The following TTC28 variants were observed in gnomAD, a reference collection of about 807,000 sequenced individuals.
The protein encoded by TTC28 is tetratricopeptide repeat protein 28.
In TTC28, 61 loss-of-function variants were observed where a neutral mutation model predicts 198.0. The observed-to-expected ratio is 0.31, with a 90% CI of 0.25 to 0.38. The LOEUF is 0.38. Among genes scored for constraint, TTC28 ranks in the 10% least tolerant of loss-of-function variants. The probability of loss-of-function intolerance (pLI) is 1.00; values close to 1 mark genes in which losing one functional copy is unlikely to be tolerated. For missense variants in TTC28, 2,678 were observed against 3,164.0 expected, an observed-to-expected ratio of 0.85 and a Z score of 3.69; for synonymous variants, 1,171 against 1,297.8, an observed-to-expected ratio of 0.90 and a Z score of 2.10.
In TTC28 at chr22:28,371,183, T is replaced by C. The variant is rs371757204; in HGVS notation, c.382-64540A>G. 1.4e-4 allele frequency among the ~76,000 whole-genome samples: 22 copies of C among 152,058 alleles called. No homozygotes were observed. The East Asian group carries it at 4.1e-3, about 28-fold the overall frequency. The stretch of plus-strand genomic sequence containing the variant: ...GGGGTCACATGTAAGGAGTTAGTAA[T>C]AGAACCATTTGTTTCCATACAAATT... On this transcript the variant is annotated intron_variant, in intron 2 of 22. Transcript: ENST00000397906.
intron 11 of TTC28, 50 bp from the exon 12 acceptor site, chr22:28,094,295 A>C (rs1376402180): frequency 2.0e-5 from 29 of 1,463,634 alleles, no homozygotes; most frequent in Non-Finnish European, 2.5e-5. Context: ...GGGTCAGAGA[A>C]AGGAGAAGTT....
At chr22:28,176,066 A>T in intron 5 of TTC28, among the ~76,000 whole-genome samples, 1 of 152,208 alleles carries the variant, frequency 6.6e-6, no homozygotes, top group East Asian at 1.9e-4. Flanking sequence ...CTGGTTATAT[A>T]TCCAAAGGAA....
chr22:28,661,493 C>T (rs2145696265), intron 1 of TTC28, among the ~76,000 whole-genome samples: 1 of 152,230 alleles, frequency 6.6e-6, no homozygotes, highest in East Asian at 1.9e-4. Flanking sequence ...CAACATAGCT[C>T]ACTGTAGCTT....
chr22:28,259,781 T>C (rs1931194269), intron 5 of TTC28, among the ~76,000 whole-genome samples: 1 of 152,134 alleles, frequency 6.6e-6, no homozygotes, highest in Non-Finnish European at 1.5e-5. Flanking sequence ...ACTATTTGCC[T>C]TTAAAAGTGT....
At chr22:28,509,516 G>C (rs1205146100) in intron 2 of TTC28, among the ~76,000 whole-genome samples, 1 of 152,158 alleles carries the variant, frequency 6.6e-6, no homozygotes, top group East Asian at 1.9e-4. Context: ...CAGAATCTCT[G>C]GGATGCAGTT....
chr22:28,082,787 T>C (rs1298827792), intron 12 of TTC28, among the ~76,000 whole-genome samples: 1 of 152,236 alleles, frequency 6.6e-6, no homozygotes, highest in Admixed American at 6.5e-5. Flanking sequence ...TTCTTTACTC[T>C]TTAATTTTTA....
intron 2 of TTC28, among the ~76,000 whole-genome samples, chr22:28,343,586 A>AGG (rs2045865295): frequency 6.6e-6 from 1 of 152,206 alleles, no homozygotes; most frequent in African/African-American, 2.4e-5. Flanking sequence ...GCCTAATTCA[A>AGG]AAATTTCAAC....
intron 5 of TTC28, among the ~76,000 whole-genome samples, chr22:28,274,436 G>C (rs903374078): frequency 6.6e-6 from 1 of 152,048 alleles, no homozygotes; most frequent in Admixed American, 6.5e-5. Flanking sequence ...CTCCTTCTTT[G>C]GGTTCAAAAG....
intron 2 of TTC28, among the ~76,000 whole-genome samples, chr22:28,317,474 C>T (rs2145838703): frequency 6.6e-6 from 1 of 152,252 alleles, no homozygotes; most frequent in South Asian, 2.1e-4. Flanking sequence ...AGACTTTATT[C>T]CCAATGTCAG....
In TTC28 at chr22:28,428,864, TCTC is replaced by T. The variant is rs2047392948; in HGVS notation, c.382-122224_382-122222del. On this transcript the variant is annotated intron_variant, in intron 2 of 22. Coordinates refer to ENST00000397906, the MANE Select transcript of TTC28 (RefSeq NM_001145418.2). ...ACCATGATAGCCAGGATGGTCTCGA[TCTC>T]CTGACCTCGTGATCTGCCCGCCTCG... 2.0e-5 allele frequency among the ~76,000 whole-genome samples: 3 copies of T among 152,032 alleles called. No homozygotes were observed. In the South Asian group the frequency reaches 6.2e-4, roughly 32 times the overall value.
chr22:28,631,394 A>C (rs543718699), intron 1 of TTC28, among the ~76,000 whole-genome samples: 1 of 152,334 alleles, frequency 6.6e-6, no homozygotes, highest in South Asian at 2.1e-4. Context: ...CTGTAACTAT[A>C]TTCTGGCAAT....
At chr22:28,582,675 A>C (rs2050249223) in intron 2 of TTC28, among the ~76,000 whole-genome samples, 1 of 152,170 alleles carries the variant, frequency 6.6e-6, no homozygotes, top group Non-Finnish European at 1.5e-5. Flanking sequence ...TTGCAAATTA[A>C]AGACAGACTG....
At chr22:28,388,353 TTAAAG>T (rs1350430205) in intron 2 of TTC28, among the ~76,000 whole-genome samples, 2 of 152,214 alleles carry the variant, frequency 1.3e-5, no homozygotes, top group African/African-American at 2.4e-5. Flanking sequence ...CATATGAACT[TTAAAG>T]TAGTTTTTTC....
At chr22:28,210,663 T>C (rs1023502989) in intron 5 of TTC28, among the ~76,000 whole-genome samples, 14 of 152,144 alleles carry the variant, frequency 9.2e-5, no homozygotes, top group African/African-American at 3.1e-4. Flanking sequence ...CTACGTCTGA[T>C]TGGTGTACCT....
intron 2 of TTC28, among the ~76,000 whole-genome samples, chr22:28,318,017 A>G (rs1193553957): frequency 2.0e-5 from 3 of 150,824 alleles, no homozygotes; most frequent in African/African-American, 7.3e-5. Flanking sequence ...GATCCTCCCA[A>G]CTCAACCTCC....
At chr22:28,264,607 A>T (rs978903824) in intron 5 of TTC28, among the ~76,000 whole-genome samples, 1 of 152,130 alleles carries the variant, frequency 6.6e-6, no homozygotes, top group African/African-American at 2.4e-5. Context: ...ATATATGCAC[A>T]TGTATGTGTG....
At chr22:28,187,131 A>C (rs1924273599) in intron 5 of TTC28, among the ~76,000 whole-genome samples, 2 of 152,166 alleles carry the variant, frequency 1.3e-5, no homozygotes, top group African/African-American at 2.4e-5. Context: ...CTGTAATATA[A>C]GAAAAATAGG....
At chr22:28,045,825 G>A in intron 12 of TTC28, among the ~76,000 whole-genome samples, 1 of 152,182 alleles carries the variant, frequency 6.6e-6, no homozygotes, top group East Asian at 1.9e-4. Context: ...TTAGCCGGGT[G>A]TGGTGGTGCA....
intron 2 of TTC28, among the ~76,000 whole-genome samples, chr22:28,478,470 C>G (rs180730395): frequency 1.3e-5 from 2 of 152,270 alleles, no homozygotes; most frequent in East Asian, 3.9e-4. Flanking sequence ...GATCGCACCA[C>G]TGCACTCTAG....
Sources: allele counts gnomAD v4.1 joint callset (sites outside exome capture counted in the v4.1 genomes callset), GRCh38; gene constraint gnomAD v4.1.1; transcripts MANE v1.5; gene names NCBI Gene and HGNC (gene_info 2026-07-23, HGNC 2026-07-21).